Variants in NOTCH1 observed in about 807,000 individuals in gnomAD.
The protein encoded by NOTCH1 is notch receptor 1, also known as neurogenic locus notch homolog protein 1.
In NOTCH1, 37 loss-of-function variants were observed where a neutral mutation model predicts 254.8. The ratio of observed to expected loss-of-function variants is 0.15; its 90% CI spans 0.11 to 0.19. The LOEUF (loss-of-function observed/expected upper bound fraction) is 0.19. NOTCH1 is among the 10% of genes least tolerant of loss of function. NOTCH1 has a pLI of 1.00. For missense variants in NOTCH1, 2,972 were observed against 3,708.6 expected, an observed-to-expected ratio of 0.80 and a Z score of 5.16; for synonymous variants, 1,731 against 1,618.1, an observed-to-expected ratio of 1.07 and a Z score of -1.68.
Position 136,495,963 on chromosome 9 carries a change from A to G in NOTCH1, c.*108T>C. 2 of 1,174,392 alleles carry G rather than the reference A, an allele frequency of 1.7e-6. No individual in the cohort carries two copies. The highest frequency in any genetic ancestry group is 2.4e-6 in the Non-Finnish European group (2 of 848,948). The allele number at this position is 1,174,392 out of a possible 1,614,324, so 72.7% of individuals were successfully genotyped here. A position where few individuals can be genotyped will look rare whatever the true frequency, so the allele number is the denominator to read the frequency against. Reference sequence around the variant, plus strand: ...AAATCCTCGTTCTTATTTTGTATAAAAACATGTGTTTTAAAAAGGCTCCTC... The same window carrying G: ...AAATCCTCGTTCTTATTTTGTATAAGAACATGTGTTTTAAAAAGGCTCCTC... On this transcript the variant is annotated 3_prime_UTR_variant, in exon 34 of 34. Transcript: ENST00000651671.
rs1373579131 is a variant in NOTCH1 at position 136,513,359 on chromosome 9, C to T, written c.2353+33G>A. On this transcript the variant is annotated intron_variant, in intron 14 of 33. Transcript: ENST00000651671. The surrounding 1 kb of genome is among the most constrained non-coding windows in gnomAD (Gnocchi z 4.7). ...TCCAGCTCCCCAGACTCGAGGGCGG[C>T]CCTCTGCACTGAGAAACGCGCAGCC... The T allele has an allele frequency of 6.2e-7, 1 of 1,611,954 alleles. No homozygotes were observed. Among genetic ancestry groups the T allele is most frequent in the Non-Finnish European group, 8.5e-7 (1 of 1,179,938 alleles).
At chr9:136,544,186 G>A in intron 1 of NOTCH1, 84 bp from the exon 2 acceptor site, 2 of 1,294,772 alleles carry the variant, frequency 1.5e-6, no homozygotes, top group Non-Finnish European at 2.2e-6. Flanking sequence ...GCGGGGACCT[G>A]CACCCAGCCA....
rs1457591238 is a variant in NOTCH1 at position 136,545,815 on chromosome 9, G to A, written c.-29C>T. Reference sequence around the variant, plus strand: ...TCCCCACCGGCTGCCCTCTGCGCCCGGGCGGCGGCCTCCTGCGCTGGCCGG... The same window carrying A: ...TCCCCACCGGCTGCCCTCTGCGCCCAGGCGGCGGCCTCCTGCGCTGGCCGG... On this transcript the variant is annotated 5_prime_UTR_variant, in exon 1 of 34. Transcript: ENST00000651671. The surrounding 1 kb of genome is among the most constrained non-coding windows in gnomAD (Gnocchi z 6.8). 3 of 1,232,102 alleles carry A rather than the reference G, an allele frequency of 2.4e-6. No homozygotes were observed. The highest frequency in any genetic ancestry group is 2.7e-5 in the South Asian group (1 of 37,220). 76.3% of individuals were successfully genotyped at this position (1,232,102 alleles called of 1,614,324 possible).
At chr9:136,530,228 AC>A (rs1394939764) in intron 2 of NOTCH1, among the ~76,000 whole-genome samples, 9 of 152,130 alleles carry the variant, frequency 5.9e-5, no homozygotes, top group Non-Finnish European at 1.2e-4. Flanking sequence ...TGTTGCCGGC[AC>A]CCCCAGCTCT....
intron 6 of NOTCH1, 64 bp from the exon 7 acceptor site, chr9:136,518,356 C>T: frequency 6.4e-7 from 1 of 1,553,850 alleles, no homozygotes; most frequent in Non-Finnish European, 8.7e-7. Flanking sequence ...CCACCCACGG[C>T]TGGGGTCCAA....
In NOTCH1 at chr9:136,545,402, G is replaced by A. The variant is rs891470068; in HGVS notation, c.61+324C>T. Among the ~76,000 whole-genome samples the A allele has an allele frequency of 1.2e-4, 18 of 151,904 alleles. No individual in the cohort carries two copies. The highest frequency in any genetic ancestry group is 4.3e-4 in the African/African-American group (18 of 41,436). On this transcript the variant is annotated intron_variant, in intron 1 of 33. Transcript: ENST00000651671. The surrounding 1 kb of genome is among the most constrained non-coding windows in gnomAD (Gnocchi z 6.8). The stretch of plus-strand genomic sequence containing the variant: ...AAAATAGTAGGCAGCCCGCCCGCCC[G>A]GCCGACCGGCGGCAAGCCCCACGCG...
chr9:136,498,137 C>A (rs780138249), intron 33 of NOTCH1, among the ~76,000 whole-genome samples: 1 of 152,022 alleles, frequency 6.6e-6, no homozygotes, highest in Non-Finnish European at 1.5e-5. Context: ...GACTGGGGAG[C>A]GCCTGGGCCA....
In NOTCH1 at chr9:136,506,256, C is replaced by CA. The variant is rs1843082766; in HGVS notation, c.4014+270_4014+271insT. 6.6e-6 allele frequency among the ~76,000 whole-genome samples: 1 copy of CA among 152,090 alleles called. No individual in the cohort carries two copies. The highest frequency in any genetic ancestry group is 2.4e-5 in the African/African-American group (1 of 41,400). ...GTTGGTAACAATGTATCACTGAAAT[C>CA]CAGAGTGAAATTGATGCAAGCTGCT... is the stretch of plus-strand genomic sequence containing the variant. On this transcript the variant is annotated intron_variant, in intron 24 of 33. Transcript: ENST00000651671. This position sits in a 1 kb window ranked among gnomAD's most constrained non-coding sequence, Gnocchi z 4.5.
chr9:136,500,120 C>T (rs1394862201), intron 31 of NOTCH1, among the ~76,000 whole-genome samples: 1 of 152,218 alleles, frequency 6.6e-6, no homozygotes, highest in East Asian at 1.9e-4. Context: ...AAGCTGAGCC[C>T]TAGGTCTGCA....
At position 136,517,931 on chromosome 9, in the gene NOTCH1, T is replaced by A. The variant is rs928512979; in HGVS notation, c.1262A>T (p.Asn421Ile). ...GCACTTGCCCGCATGCTCGCAGGGG[T>A]TGGCACCTGGCGAGGGCACACGGGT... ...QDVDECSLGA[N>I]PCEHAGKCIN... Residue 421 changes from asparagine to isoleucine, a missense_variant, in exon 8 of 34, where the codon AAC (asparagine) becomes ATC (isoleucine). Asn to Ile is a moderately radical substitution (Grantham distance 149, BLOSUM62 -3). This residue lies in a region of NOTCH1 where 90 missense variants were observed against 183.6 expected (regional missense o/e 0.49). Coordinates refer to ENST00000651671, the MANE Select transcript of NOTCH1 (RefSeq NM_017617.5). 1 of 1,609,852 alleles carries A rather than the reference T, an allele frequency of 6.2e-7. No homozygotes were observed. Among genetic ancestry groups the A allele is most frequent in the Non-Finnish European group, 8.5e-7 (1 of 1,179,760 alleles).
intron 33 of NOTCH1, among the ~76,000 whole-genome samples, chr9:136,497,768 A>C (rs1405712246): frequency 6.6e-6 from 1 of 151,942 alleles, no homozygotes; most frequent in East Asian, 1.9e-4. Flanking sequence ...TCTGAAACCC[A>C]CCCAGAGAGG....
chr9:136,520,703 A>G lies in NOTCH1; in HGVS notation c.743-1138T>C, dbSNP rs1375902804. Among the ~76,000 whole-genome samples the G allele has an allele frequency of 2.7e-5, 4 of 150,288 alleles. No individual in the cohort carries two copies. In the East Asian group the frequency reaches 7.9e-4, roughly 30 times the overall value. ...CAGTGAGCTGAGGGCACGTCACTGT[A>G]CTCCAGCCTGAGTGACAGAGACCTG... is the stretch of plus-strand genomic sequence containing the variant. On this transcript the variant is annotated intron_variant, in intron 4 of 33. Coordinates refer to ENST00000651671, the MANE Select transcript of NOTCH1 (RefSeq NM_017617.5).
At chr9:136,532,664 C>T (rs987313970) in intron 2 of NOTCH1, among the ~76,000 whole-genome samples, 17 of 152,352 alleles carry the variant, frequency 1.1e-4, no homozygotes, top group Admixed American at 8.5e-4. Flanking sequence ...CGCCCAGCCA[C>T]GAGGACGGCA....
chr9:136,494,701 CATGGGCGGCT>C lies in NOTCH1; in HGVS notation c.*1360_*1369del, dbSNP rs537011071. The C allele has an allele frequency of 3.3e-4, 130 of 398,734 alleles. No individual in the cohort carries two copies. The highest frequency in any genetic ancestry group is 2.5e-3 in the African/African-American group (122 of 48,762). The allele number at this position is 398,734 out of a possible 1,614,324, so 24.7% of individuals were successfully genotyped here. Reference sequence around the variant, plus strand: ...GCACGGCAGCGGAGCGTCCCCAGTGCATGGGCGGCTAAGGCTCCCCGAGCTGAGCCAAGTC... The same window carrying C: ...GCACGGCAGCGGAGCGTCCCCAGTGCAAGGCTCCCCGAGCTGAGCCAAGTC... On this transcript the variant is annotated 3_prime_UTR_variant, in exon 34 of 34. Transcript: ENST00000651671.
intron 8 of NOTCH1, 86 bp from the exon 9 acceptor site, chr9:136,517,471 C>A (rs1843294678): frequency 9.9e-7 from 1 of 1,012,914 alleles, no homozygotes; most frequent in Non-Finnish European, 1.5e-6. Flanking sequence ...AGAAACGAAC[C>A]CTGCCTCCAG....
chr9:136,495,879 TAAA>T lies in NOTCH1; in HGVS notation c.*189_*191del. On this transcript the variant is annotated 3_prime_UTR_variant, in exon 34 of 34. Coordinates refer to ENST00000651671, the MANE Select transcript of NOTCH1 (RefSeq NM_017617.5). ...GGCCAGATAAAACAGTACATATAAATAAAAAGGCAGTGTTTCTGTGTAAAATAA... is the reference window on the plus strand; with the variant it reads ...GGCCAGATAAAACAGTACATATAAATAAGGCAGTGTTTCTGTGTAAAATAA... The T allele has an allele frequency of 1.6e-6, 1 of 635,292 alleles. No homozygotes were observed. The highest frequency in any genetic ancestry group is 2.4e-5 in the South Asian group (1 of 41,510). The allele number at this position is 635,292 out of a possible 1,614,324, so 39.4% of individuals were successfully genotyped here.
At position 136,545,669 on chromosome 9, in the gene NOTCH1, C is replaced by A; in HGVS notation, c.61+57G>T. On this transcript the variant is annotated intron_variant, in intron 1 of 33. Coordinates refer to ENST00000651671, the MANE Select transcript of NOTCH1 (RefSeq NM_017617.5). This position sits in a 1 kb window ranked among gnomAD's most constrained non-coding sequence, Gnocchi z 6.8. ...GCCGTGGGGCGCGCGCGCCGGGCGCCGCCAAAGTTTCCAAAGGGCGCGGAA... is the reference window on the plus strand; with the variant it reads ...GCCGTGGGGCGCGCGCGCCGGGCGCAGCCAAAGTTTCCAAAGGGCGCGGAA... 7.2e-7 allele frequency: 1 copy of A among 1,383,574 alleles called. No individual in the cohort carries two copies. The highest frequency in any genetic ancestry group is 1.4e-5 in the South Asian group (1 of 74,034). 85.7% of individuals were successfully genotyped at this position (1,383,574 alleles called of 1,614,324 possible). A position where few individuals can be genotyped will look rare whatever the true frequency, so the allele number is the denominator to read the frequency against.
Position 136,522,813 on chromosome 9 carries a change from G to C in NOTCH1, c.742+37C>G, listed in dbSNP as rs1434196535. 6 of 1,444,648 alleles carry C rather than the reference G, an allele frequency of 4.2e-6. No individual in the cohort carries two copies. The African/African-American group carries it at 7.1e-5, about 17-fold the overall frequency. 89.5% of individuals were successfully genotyped at this position (1,444,648 alleles called of 1,614,324 possible). ...CCACCCCCTGGGCCTGGCAGCCGGG[G>C]AGGGGCTCGTGCACCCCGGCCAGCG... On this transcript the variant is annotated intron_variant, in intron 4 of 33. Coordinates refer to ENST00000651671, the MANE Select transcript of NOTCH1 (RefSeq NM_017617.5).
chr9:136,501,919 T>A lies in NOTCH1; in HGVS notation c.5473-6A>T, dbSNP rs367958280. On this transcript the variant is annotated splice_polypyrimidine_tract_variant and splice_region_variant and intron_variant, in intron 29 of 33. Coordinates refer to ENST00000651671, the MANE Select transcript of NOTCH1 (RefSeq NM_017617.5). ...AGAACCACGGGCTCCTCGAACTACA[T>A]AGAGGGAGTGAGCAGAGCCTGTCAG... is the stretch of plus-strand genomic sequence containing the variant. 2 of 1,611,376 alleles carry A rather than the reference T, an allele frequency of 1.2e-6. No homozygotes were observed. Among genetic ancestry groups the A allele is most frequent in the South Asian group, 2.2e-5 (2 of 91,066 alleles).
Sources: gnomAD v4.1 joint callset for allele counts (sites outside exome capture counted in the v4.1 genomes callset) on GRCh38, gnomAD v4.1.1 for gene constraint, gnomAD v4.1.1 regional missense constraint, Gnocchi (gnomAD v3.1) non-coding constraint, MANE v1.5 for transcripts, NCBI Gene and HGNC (gene_info 2026-07-23, HGNC 2026-07-21) for gene names.